The following KCNH1 variants were observed in gnomAD, a reference collection of about 807,000 sequenced individuals.
KCNH1 encodes potassium voltage-gated channel subfamily H member 1, also known as voltage-gated delayed rectifier potassium channel KCNH1.
A neutral mutation model predicts 69.2 loss-of-function variants in KCNH1; 27 were observed. The observed-to-expected ratio is 0.39, with a 90% CI of 0.29 to 0.54. The LOEUF is 0.54. Among genes scored for constraint, KCNH1 ranks in the 20% least tolerant of loss-of-function variants. The pLI is 0.68. For missense variants in KCNH1, 798 were observed against 1,261.6 expected (o/e 0.63, Z 5.57); for synonymous variants, 456 against 487.7 (o/e 0.93, Z 0.86).
At chr1:211,066,568 G>C (rs904011920) in intron 5 of KCNH1, among the ~76,000 whole-genome samples, 1 of 152,100 alleles carries the variant, frequency 6.6e-6, no homozygotes, top group Non-Finnish European at 1.5e-5. Context: ...AAAAAGTTTT[G>C]GATTTTCACA....
At chr1:210,867,362 C>CACATAT (rs1491359165) in intron 7 of KCNH1, among the ~76,000 whole-genome samples, 69 of 67,334 alleles carry the variant, frequency 1.0e-3, no homozygotes, top group African/African-American at 2.3e-3. Context: ...CACACACACA[C>CACATAT]ATATATATAT....
chr1:211,018,697 C>T, intron 6 of KCNH1, 86 bp downstream of exon 6: 2 of 1,024,774 alleles, frequency 2.0e-6, no homozygotes, highest in African/African-American at 1.6e-5. Flanking sequence ...CTATTTCCCA[C>T]CCATTTAATT....
At chr1:210,917,207 C>CAG (rs140438633) in intron 7 of KCNH1, among the ~76,000 whole-genome samples, 1,326 of 108,760 alleles carry the variant, frequency 0.012, 40 homozygotes, top group East Asian at 0.069. Flanking sequence ...AAGAAAGGGA[C>CAG]AGAGAGAGAG....
intron 7 of KCNH1, among the ~76,000 whole-genome samples, chr1:210,884,776 GC>G (rs1686567643): frequency 6.6e-6 from 1 of 152,188 alleles, no homozygotes; most frequent in South Asian, 2.1e-4. Context: ...CCTGCTCTCT[GC>G]CAGACATTCA....
chr1:210,896,315 T>C (rs976257852), intron 7 of KCNH1, among the ~76,000 whole-genome samples: 1 of 152,022 alleles, frequency 6.6e-6, no homozygotes, highest in African/African-American at 2.4e-5. Context: ...AAAATGTTAC[T>C]GACAAACCCC....
At chr1:210,835,396 A>G (rs1331220366) in intron 7 of KCNH1, among the ~76,000 whole-genome samples, 1 of 152,222 alleles carries the variant, frequency 6.6e-6, no homozygotes, top group African/African-American at 2.4e-5. Flanking sequence ...ACTAACCTAT[A>G]TGGATTCAAG....
At chr1:210,783,612 C>T (rs1684034469) in intron 9 of KCNH1, among the ~76,000 whole-genome samples, 1 of 152,214 alleles carries the variant, frequency 6.6e-6, no homozygotes, top group East Asian at 1.9e-4. Flanking sequence ...ACCTTCTCCC[C>T]TTCCTCCTGG....
intron 6 of KCNH1, among the ~76,000 whole-genome samples, chr1:210,995,499 C>A (rs753858169): frequency 6.6e-6 from 1 of 152,176 alleles, no homozygotes; most frequent in Non-Finnish European, 1.5e-5. Flanking sequence ...ACACACAACT[C>A]TTAATATTTA....
chr1:210,979,394 C>CT (rs1473716837), intron 6 of KCNH1, among the ~76,000 whole-genome samples: 2 of 152,168 alleles, frequency 1.3e-5, no homozygotes, highest in Non-Finnish European at 2.9e-5. Context: ...TTTATAGTTG[C>CT]TTTTTTAGGA....
chr1:210,829,671 C>T (rs1685117084), intron 7 of KCNH1, among the ~76,000 whole-genome samples: 3 of 152,176 alleles, frequency 2.0e-5, no homozygotes, highest in Admixed American at 1.3e-4. Context: ...GACTCTTCCC[C>T]CAAATAACTG....
rs1681292423 is a variant in KCNH1, at chr1:210,682,473, A to T, written c.*808T>A. 1 of 152,564 alleles carries T rather than the reference A, an allele frequency of 6.6e-6. No homozygotes were observed. The highest frequency in any genetic ancestry group is 2.1e-4 in the South Asian group (1 of 4,830). 9.5% of individuals were successfully genotyped at this position (152,564 alleles called of 1,614,324 possible). On this transcript the variant is annotated 3_prime_UTR_variant, in exon 11 of 11. Transcript: ENST00000271751. ...ACAGAAGCAAGGGAGCCTGTGTGTG[A>T]GGCCAGCAGCATGGAGCAGGGCCAG...
intron 7 of KCNH1, among the ~76,000 whole-genome samples, chr1:210,844,204 G>A (rs142425857): frequency 6.6e-6 from 1 of 152,172 alleles, no homozygotes; most frequent in Non-Finnish European, 1.5e-5. Flanking sequence ...CTAACACTCT[G>A]TCTGGCATAA....
intron 7 of KCNH1, among the ~76,000 whole-genome samples, chr1:210,811,982 A>G (rs888512272): frequency 6.6e-6 from 1 of 152,150 alleles, no homozygotes; most frequent in Non-Finnish European, 1.5e-5. Flanking sequence ...CCTCCAAAGT[A>G]GATTTGGTAG....
chr1:210,721,361 C>T (rs529709629), intron 10 of KCNH1, among the ~76,000 whole-genome samples: 3 of 152,270 alleles, frequency 2.0e-5, no homozygotes, highest in African/African-American at 7.2e-5. Context: ...TTCTTCAGCG[C>T]AAGAGTTCTG....
At chr1:210,714,150 G>C (rs752481480) in intron 10 of KCNH1, among the ~76,000 whole-genome samples, 1 of 152,116 alleles carries the variant, frequency 6.6e-6, no homozygotes, top group Non-Finnish European at 1.5e-5. Context: ...AAGAGCTCTG[G>C]GCTGTAGACT....
chr1:210,754,209 G>A (rs992190194), intron 10 of KCNH1, among the ~76,000 whole-genome samples: 15 of 151,890 alleles, frequency 9.9e-5, no homozygotes, highest in Admixed American at 3.3e-4. Flanking sequence ...ATGAGCCACC[G>A]CATCCGGCCC....
Position 210,920,031 on chromosome 1 carries a change from C to T in KCNH1, c.1071G>A (p.Arg357=), listed in dbSNP as rs1574339007. Reference sequence around the variant, plus strand: ...GGGCCACTCGCCCAAGACGGAGCAGCCGGACAACTTTTAGAGAGCTGAACA... The same window carrying T: ...GGGCCACTCGCCCAAGACGGAGCAGTCGGACAACTTTTAGAGAGCTGAACA... ...SSLFSSLKVV[R]LLRLGRVARK... is the part of the protein sequence containing the mutation. Residue 357 remains arginine, a synonymous_variant, in exon 7 of 11, where the codon CGG becomes CGA. Coordinates refer to ENST00000271751, the MANE Select transcript of KCNH1 (RefSeq NM_172362.3). 1 of 1,614,064 alleles carries T rather than the reference C, an allele frequency of 6.2e-7. No individual in the cohort carries two copies. The highest frequency in any genetic ancestry group is 1.7e-5 in the Admixed American group (1 of 60,014).
chr1:210,883,681 C>T (rs1473109638), intron 7 of KCNH1, among the ~76,000 whole-genome samples: 2 of 152,194 alleles, frequency 1.3e-5, no homozygotes, highest in South Asian at 2.1e-4. Flanking sequence ...TAAGAAGAGT[C>T]ATGCAAAAGG....
At chr1:211,032,443 G>T (rs542803468) in intron 5 of KCNH1, among the ~76,000 whole-genome samples, 2 of 151,946 alleles carry the variant, frequency 1.3e-5, no homozygotes, top group Admixed American at 6.6e-5. Flanking sequence ...AAAAAGAGCC[G>T]GCATTGCCAA....
Sources: gnomAD v4.1 joint callset for allele counts (sites outside exome capture counted in the v4.1 genomes callset) on GRCh38, gnomAD v4.1.1 for gene constraint, MANE v1.5 for transcripts, NCBI Gene and HGNC (gene_info 2026-07-23, HGNC 2026-07-21) for gene names.